NCOR2: variants seen among roughly 807,000 people sequenced by gnomAD.
NCOR2 encodes CTG repeat protein 26.
A neutral mutation model predicts 262.9 loss-of-function variants in NCOR2; 81 were observed. The ratio of observed to expected loss-of-function variants is 0.31; its 90% CI spans 0.26 to 0.37. The LOEUF is 0.37. NCOR2 is among the 10% of genes least tolerant of loss of function. The probability of loss-of-function intolerance (pLI) is 1.00; values close to 1 mark genes in which losing one functional copy is unlikely to be tolerated. For missense variants in NCOR2, 3,385 were observed against 3,621.4 expected (o/e 0.93, Z 1.68); for synonymous variants, 1,659 against 1,559.3 (o/e 1.06, Z -1.51).
chr12:124,469,657 T>C (rs2046725052), intron 4 of NCOR2, among the ~76,000 whole-genome samples: 1 of 152,146 alleles, frequency 6.6e-6, no homozygotes, highest in African/African-American at 2.4e-5. Context: ...GCCCTTCACC[T>C]CCCTGACCTC....
At chr12:124,391,182 C>T (rs551972717) in intron 16 of NCOR2, among the ~76,000 whole-genome samples, 1 of 152,184 alleles carries the variant, frequency 6.6e-6, no homozygotes, top group Non-Finnish European at 1.5e-5. Context: ...GCTAGGACTC[C>T]GAGGGGACCA....
At position 124,452,109 on chromosome 12, in the gene NCOR2, C is replaced by G. The variant is rs12582942; in HGVS notation, c.763-2242G>C. 4.6e-3 allele frequency among the ~76,000 whole-genome samples: 694 copies of G among 152,362 alleles called. 23 individuals are homozygous for G. The East Asian group carries it at 0.082, about 18-fold the overall frequency. On this transcript the variant is annotated intron_variant, in intron 6 of 46. Coordinates refer to ENST00000405201, the Ensembl canonical transcript of NCOR2. Reference sequence around the variant, plus strand: ...AGCCCTGAACAGAGGGCAGTTTCCCCACCCTGACCCTGGAAGTTTGAACAA... The same window carrying G: ...AGCCCTGAACAGAGGGCAGTTTCCCGACCCTGACCCTGGAAGTTTGAACAA...
chr12:124,505,657 A>G (rs927535032), intron 1 of NCOR2, among the ~76,000 whole-genome samples: 1 of 152,100 alleles, frequency 6.6e-6, no homozygotes, highest in Non-Finnish European at 1.5e-5. Flanking sequence ...CTTCACTTGG[A>G]AAGATTCACT....
intron 13 of NCOR2, among the ~76,000 whole-genome samples, chr12:124,415,949 T>C (rs1255779426): frequency 2.0e-5 from 3 of 152,086 alleles, no homozygotes; most frequent in Non-Finnish European, 4.4e-5. Flanking sequence ...GTAAGAGTTG[T>C]GTGGCATATA....
intron 10 of NCOR2, among the ~76,000 whole-genome samples, chr12:124,428,527 C>T (rs184048837): frequency 6.6e-6 from 1 of 152,198 alleles, no homozygotes; most frequent in Non-Finnish European, 1.5e-5. Context: ...TTAAACCAGC[C>T]GCCCCCTCCC....
chr12:124,554,169 T>C (rs2051809014), intron 1 of NCOR2, among the ~76,000 whole-genome samples: 1 of 152,240 alleles, frequency 6.6e-6, no homozygotes, highest in Non-Finnish European at 1.5e-5. Context: ...ACAAAACGCC[T>C]TCCTTGCTTC....
In NCOR2 at chr12:124,566,550, ACAAGGG is replaced by A. The variant is rs1429680080; in HGVS notation, c.-165+752_-165+757del. On this transcript the variant is annotated intron_variant, in intron 1 of 32. Transcript: ENST00000458234. This position sits in a 1 kb window ranked among gnomAD's most constrained non-coding sequence, Gnocchi z 4.3. Reference sequence around the variant, plus strand: ...GGCCTCTGAGGAAGCTGCCCTCTAGACAAGGGTCTGGGTCTTCCCAGTCGTGCCCAA... The same window carrying A: ...GGCCTCTGAGGAAGCTGCCCTCTAGATCTGGGTCTTCCCAGTCGTGCCCAA... 2.6e-5 allele frequency among the ~76,000 whole-genome samples: 4 copies of A among 152,208 alleles called. No individual in the cohort carries two copies. The highest frequency in any genetic ancestry group is 9.6e-5 in the African/African-American group (4 of 41,458).
rs574953465 is a variant in NCOR2, at chr12:124,452,075, A to G, written c.763-2208T>C. Among the ~76,000 whole-genome samples the G allele has an allele frequency of 4.6e-5, 7 of 152,176 alleles. No individual in the cohort carries two copies. The East Asian group carries it at 1.4e-3, about 29-fold the overall frequency. On this transcript the variant is annotated intron_variant, in intron 6 of 46. Coordinates refer to ENST00000405201, the Ensembl canonical transcript of NCOR2. ...CCGTGCCGGGTCAGGCTCCCCTCCC[A>G]AGGTTCTCAGCCCTGAACAGAGGGC...
chr12:124,372,465 C>A (rs764876449), exon 20 of NCOR2: 1 of 1,558,826 alleles, frequency 6.4e-7, no homozygotes, highest in Non-Finnish European at 8.6e-7. Flanking sequence ...CCGGGATGTC[C>A]TCCGGTGGTG....
chr12:124,346,764 G>A (rs1308047345), exon 31 of NCOR2: 2 of 1,557,992 alleles, frequency 1.3e-6, no homozygotes, highest in Admixed American at 1.9e-5. Flanking sequence ...GAGGGCGGTG[G>A]GGGCGGAGGC....
chr12:124,326,626 G>A (rs1383682866), intron 45 of NCOR2, among the ~76,000 whole-genome samples: 3 of 152,140 alleles, frequency 2.0e-5, no homozygotes, highest in Non-Finnish European at 4.4e-5. Context: ...TCTGCTGTTT[G>A]CAATAGCCCC....
chr12:124,372,848 T>A (rs1429223596), intron 19 of NCOR2, among the ~76,000 whole-genome samples: 1 of 152,128 alleles, frequency 6.6e-6, no homozygotes, highest in Non-Finnish European at 1.5e-5. Context: ...CTGACCCTGC[T>A]GGCATAACCT....
rs2042258810 is a variant in NCOR2, at chr12:124,406,087, C to G, written c.1483-3526G>C. On this transcript the variant is annotated intron_variant, in intron 13 of 46. Coordinates refer to ENST00000405201, the Ensembl canonical transcript of NCOR2. ...CCGATGGGCAGCCAGATTTGAGAACCAGTGCTTTACCAGGGACTGGCAAAC... is the reference window on the plus strand; with the variant it reads ...CCGATGGGCAGCCAGATTTGAGAACGAGTGCTTTACCAGGGACTGGCAAAC... 2.0e-5 allele frequency among the ~76,000 whole-genome samples: 3 copies of G among 152,216 alleles called. No homozygotes were observed. The South Asian group carries it at 6.2e-4, about 32-fold the overall frequency.
chr12:124,491,466 T>C lies in NCOR2; in HGVS notation c.105+3681A>G, dbSNP rs150898194. On this transcript the variant is annotated intron_variant, in intron 1 of 46. Transcript: ENST00000405201. Reference sequence around the variant, plus strand: ...GGACATCACTGGGGCAGGATGTAAATGCAAGCAACCTGGCTCCAGAACCGG... The same window carrying C: ...GGACATCACTGGGGCAGGATGTAAACGCAAGCAACCTGGCTCCAGAACCGG... 5.8e-3 allele frequency among the ~76,000 whole-genome samples: 877 copies of C among 152,298 alleles called. 9 individuals are homozygous for C. The highest frequency in any genetic ancestry group is 0.02 in the African/African-American group (830 of 41,562).
rs1473656599 is a variant in NCOR2 at position 124,420,066 on chromosome 12, G to A, written c.1384-11C>T. 5 of 1,606,328 alleles carry A rather than the reference G, an allele frequency of 3.1e-6. No individual in the cohort carries two copies. The South Asian group carries it at 5.5e-5, about 18-fold the overall frequency. ...GCACTCAGCCACTGTCTGTGGGACA[G>A]AGAAAGAGGACGCTGAGCAGGGTAC... On this transcript the variant is annotated splice_polypyrimidine_tract_variant and intron_variant, in intron 12 of 46. Coordinates refer to ENST00000405201, the Ensembl canonical transcript of NCOR2.
At chr12:124,463,683 G>A (rs953740482) in intron 5 of NCOR2, among the ~76,000 whole-genome samples, 3 of 152,256 alleles carry the variant, frequency 2.0e-5, no homozygotes, top group African/African-American at 7.2e-5. Flanking sequence ...AGCAGGGAAG[G>A]AAGGCGGATT....
At chr12:124,499,515 G>C (rs779742092), upstream of NCOR2, among the ~76,000 whole-genome samples, 1 of 152,236 alleles carries the variant, frequency 6.6e-6, no homozygotes, top group Non-Finnish European at 1.5e-5. Flanking sequence ...GGGATGGAGA[G>C]TGCTCCAGCT....
At chr12:124,358,872 C>G (rs1009702364) in intron 22 of NCOR2, among the ~76,000 whole-genome samples, 1 of 152,242 alleles carries the variant, frequency 6.6e-6, no homozygotes, top group African/African-American at 2.4e-5. Context: ...CTACAAGGAA[C>G]TGACTGACTG....
At position 124,501,056 on chromosome 12, in the gene NCOR2, A is replaced by ACG. The variant is rs1203168465; in HGVS notation, c.-117-5690_-117-5689dup. Among the ~76,000 whole-genome samples, 453 of 49,360 alleles carry ACG rather than the reference A, an allele frequency of 9.2e-3. 7 individuals carry two copies. The highest frequency in any genetic ancestry group is 0.046 in the East Asian group (88 of 1,926). The allele number at this position is 49,360 out of a possible 152,430, so 32.4% of individuals were successfully genotyped here. On this transcript the variant is annotated intron_variant, in intron 1 of 46. Coordinates refer to the NCOR2 transcript ENST00000404621. ...GCGCCCACGGCACGAGCGCGCGCGC[A>ACG]CGCGCGCACACACACACACACACAC...
Sources: allele counts gnomAD v4.1 joint callset (sites outside exome capture counted in the v4.1 genomes callset), GRCh38; gene constraint gnomAD v4.1.1; non-coding constraint Gnocchi (gnomAD v3.1); transcripts MANE v1.5; gene names NCBI Gene and HGNC (gene_info 2026-07-23, HGNC 2026-07-21).